Variants in WDHD1 observed in about 807,000 individuals in gnomAD.
The protein encoded by WDHD1 is WD repeat and HMG-box DNA binding protein 1.
WDHD1 carries 111 observed loss-of-function variants against 135.4 expected under a neutral mutation model. The observed-to-expected ratio is 0.82, with a 90% CI of 0.70 to 0.96. The LOEUF (loss-of-function observed/expected upper bound fraction) is 0.96. Among genes scored for constraint, WDHD1 ranks in the 40% least tolerant of loss-of-function variants. The probability of loss-of-function intolerance (pLI) is 0.00; values close to 1 mark genes in which losing one functional copy is unlikely to be tolerated. For missense variants in WDHD1, 1,351 were observed against 1,336.3 expected, an observed-to-expected ratio of 1.01 and a Z score of -0.17; for synonymous variants, 434 against 439.0, an observed-to-expected ratio of 0.99 and a Z score of 0.14.
At chr14:55,013,678 G>A (rs938456647) in intron 2 of WDHD1, 82 bp from the exon 3 acceptor site, 4 of 1,060,588 alleles carry the variant, frequency 3.8e-6, no homozygotes, top group Non-Finnish European at 5.9e-6. Context: ...GTACAAGGTG[G>A]GAGGATTGCT....
chr14:54,977,524 T>G (rs1444465946), intron 16 of WDHD1, among the ~76,000 whole-genome samples: 2 of 152,136 alleles, frequency 1.3e-5, no homozygotes, highest in African/African-American at 2.4e-5. Flanking sequence ...ATAGCGAGAC[T>G]GTGTCTCAAT....
At chr14:55,002,609 A>T (rs774901132) in intron 7 of WDHD1, among the ~76,000 whole-genome samples, 1 of 146,144 alleles carries the variant, frequency 6.8e-6, no homozygotes, top group Non-Finnish European at 1.5e-5. Flanking sequence ...AAATATGATT[A>T]CTTTTTTTTC....
At chr14:54,987,059 C>T in intron 14 of WDHD1, 87 bp downstream of exon 14, 12 of 1,496,952 alleles carry the variant, frequency 8.0e-6, no homozygotes, top group Non-Finnish European at 1.1e-5. Context: ...AGTATATAAT[C>T]CAAGACAAAA....
intron 16 of WDHD1, among the ~76,000 whole-genome samples, chr14:54,973,895 G>C (rs932338862): frequency 2.0e-5 from 3 of 152,136 alleles, no homozygotes; most frequent in Non-Finnish European, 2.9e-5. Context: ...CATCAAAGCA[G>C]AGCACCAATT....
At chr14:54,992,526 A>C (rs1372265144) in intron 11 of WDHD1, among the ~76,000 whole-genome samples, 1 of 152,192 alleles carries the variant, frequency 6.6e-6, no homozygotes, top group Non-Finnish European at 1.5e-5. Context: ...TTTCAATTAA[A>C]AATTAAGATA....
rs777733614 is a variant in WDHD1 at position 54,962,933 on chromosome 14, C to T, written c.2531+19G>A. The stretch of plus-strand genomic sequence containing the variant: ...TCAAGACAGTAAAGGAAAATTCAAA[C>T]AACTAAATTATTTCTTACCCAGCAT... On this transcript the variant is annotated intron_variant, in intron 19 of 25. Coordinates refer to ENST00000360586, the MANE Select transcript of WDHD1 (RefSeq NM_007086.4). The T allele has an allele frequency of 1.9e-6, 3 of 1,612,894 alleles. No individual in the cohort carries two copies. In the African/African-American group the frequency reaches 4.0e-5, roughly 22 times the overall value.
intron 1 of WDHD1, 78 bp from the exon 2 acceptor site, chr14:55,026,881 A>C (rs1009720078): frequency 1.4e-6 from 2 of 1,394,884 alleles, no homozygotes; most frequent in African/African-American, 2.8e-5. Flanking sequence ...AAGAGAGCTT[A>C]GTCTCCTCTA....
rs369698327 is a variant in WDHD1, at chr14:55,007,231, T to TAAAAAAAAAA, written c.600+39_600+48dup. 1.6e-4 allele frequency: 171 copies of TAAAAAAAAAA among 1,056,530 alleles called. 2 individuals carry two copies. Among genetic ancestry groups the TAAAAAAAAAA allele is most frequent in the South Asian group, 6.4e-4 (40 of 62,508 alleles). The allele number at this position is 1,056,530 out of a possible 1,614,324, so 65.4% of individuals were successfully genotyped here. A position where few individuals can be genotyped will look rare whatever the true frequency, so the allele number is the denominator to read the frequency against. Reference sequence around the variant, plus strand: ...AGACAGAGTGAGACTCCATCTCTAATAAAAAAAAAAAAAAAAAAGAAAAGA... The same window carrying TAAAAAAAAAA: ...AGACAGAGTGAGACTCCATCTCTAATAAAAAAAAAAAAAAAAAAAAAAAAAAAAGAAAAGA... On this transcript the variant is annotated intron_variant, in intron 7 of 25. Coordinates refer to ENST00000360586, the MANE Select transcript of WDHD1 (RefSeq NM_007086.4).
rs2040935949 is a variant in WDHD1 at position 54,946,925 on chromosome 14, C to T, written c.3051-2455G>A. On this transcript the variant is annotated intron_variant, in intron 24 of 25. Coordinates refer to ENST00000360586, the MANE Select transcript of WDHD1 (RefSeq NM_007086.4). ...GGGCATGGTGGCACACACCTGTAAT[C>T]CCAGCTACTCAGGAGGCTGAGGCAT... Among the ~76,000 whole-genome samples, 5 of 152,172 alleles carry T rather than the reference C, an allele frequency of 3.3e-5. No individual in the cohort carries two copies. The South Asian group carries it at 1.0e-3, about 32-fold the overall frequency.
intron 2 of WDHD1, 53 bp downstream of exon 2, chr14:55,026,657 AG>A: frequency 1.3e-6 from 2 of 1,560,802 alleles, no homozygotes; most frequent in South Asian, 2.2e-5. Context: ...ATAAAGTTTA[AG>A]GATAAATGTT....
intron 24 of WDHD1, among the ~76,000 whole-genome samples, chr14:54,950,563 C>A (rs1171727961): frequency 6.6e-6 from 1 of 152,128 alleles, no homozygotes; most frequent in Non-Finnish European, 1.5e-5. Context: ...GACTTTAACA[C>A]CCCACTGTCA....
intron 2 of WDHD1, among the ~76,000 whole-genome samples, chr14:55,019,090 C>G (rs1740169709): frequency 1.3e-5 from 2 of 152,076 alleles, no homozygotes; most frequent in Non-Finnish European, 2.9e-5. Flanking sequence ...AAATGCAACT[C>G]TAAACAAGGC....
intron 7 of WDHD1, among the ~76,000 whole-genome samples, chr14:55,003,450 G>A (rs1282218140): frequency 1.3e-5 from 2 of 152,058 alleles, no homozygotes; most frequent in Non-Finnish European, 2.9e-5. Context: ...GGGAGGCAGA[G>A]GTTGCAGTGA....
intron 15 of WDHD1, among the ~76,000 whole-genome samples, chr14:54,983,273 A>C (rs1433358274): frequency 6.6e-6 from 1 of 152,206 alleles, no homozygotes; most frequent in Non-Finnish European, 1.5e-5. Context: ...GCACTTATCC[A>C]AAAGAAATAT....
rs1265392032 is a variant in WDHD1, at chr14:54,944,365, A to T, written c.3156T>A (p.Ile1052=). ...DEADIIKEGM[I]RFRVLSTEER... is the part of the protein sequence containing the mutation. ...CTTCAGTTGACAATACTCTAAATCG[A>T]ATCATTCCTTCTTTTATTATGTCTG... Residue 1052 remains isoleucine (I), a synonymous_variant, in exon 25 of 26, where the codon ATT becomes ATA. Coordinates refer to ENST00000360586, the MANE Select transcript of WDHD1 (RefSeq NM_007086.4). The T allele has an allele frequency of 5.0e-6, 8 of 1,608,002 alleles. No individual in the cohort carries two copies. In the South Asian group the frequency reaches 9.0e-5, roughly 18 times the overall value.
At chr14:55,020,596 T>A (rs754414603) in intron 2 of WDHD1, among the ~76,000 whole-genome samples, 6 of 152,206 alleles carry the variant, frequency 3.9e-5, no homozygotes, top group Non-Finnish European at 8.8e-5. Flanking sequence ...TAATAAATAT[T>A]ATGTTTATAA....
chr14:54,962,793 A>C lies in WDHD1; in HGVS notation c.2592T>G (p.Asp864Glu). ...CATCAGCTTCTCCACTGTCCTCAGC[A>C]TCTTCTTCAACTTGATTTCTGAACC... ...QPRFRNQVEE[D>E]AEDSGEADDE... Residue 864 changes from aspartate to glutamate, a missense_variant, in exon 20 of 26, where the codon GAT becomes GAG. This residue lies in a region of WDHD1 where 1,330 missense variants were observed against 1,296.1 expected (regional missense o/e 1.03). Coordinates refer to ENST00000360586, the MANE Select transcript of WDHD1 (RefSeq NM_007086.4). 2 of 1,613,626 alleles carry C rather than the reference A, an allele frequency of 1.2e-6. No homozygotes were observed. The highest frequency in any genetic ancestry group is 1.7e-6 in the Non-Finnish European group (2 of 1,180,016).
At chr14:54,947,583 G>C (rs1457821793) in intron 24 of WDHD1, among the ~76,000 whole-genome samples, 1 of 152,018 alleles carries the variant, frequency 6.6e-6, no homozygotes, top group Non-Finnish European at 1.5e-5. Flanking sequence ...ATGAAATTGT[G>C]ACTGTTCTTT....
In WDHD1 at chr14:55,008,417, T is replaced by A. The variant is rs1211269030; in HGVS notation, c.454-51A>T. 2.6e-6 allele frequency: 4 copies of A among 1,563,720 alleles called. No individual in the cohort carries two copies. The South Asian group carries it at 3.5e-5, about 14-fold the overall frequency. On this transcript the variant is annotated intron_variant, in intron 5 of 25. Transcript: ENST00000360586. The stretch of plus-strand genomic sequence containing the variant: ...CTATAGTCATAGCCATAATACTACA[T>A]GGAAAGTGGTTCAATTAATTAAATC...
Sources: allele counts gnomAD v4.1 joint callset (sites outside exome capture counted in the v4.1 genomes callset), GRCh38; gene constraint gnomAD v4.1.1; regional missense constraint gnomAD v4.1.1; transcripts MANE v1.5; gene names NCBI Gene and HGNC (gene_info 2026-07-23, HGNC 2026-07-21).